XG: variants seen among roughly 807,000 people sequenced by gnomAD.
XG encodes glycoprotein Xg.
In XG, 24 loss-of-function variants were observed where a neutral mutation model predicts 25.7. The observed-to-expected ratio is 0.93, with a 90% confidence interval of 0.68 to 1.31. The LOEUF is 1.31. Ranked by LOEUF, XG falls within the 40% of genes most tolerant of loss-of-function variation. XG has a pLI of 0.00. For missense variants in XG, 181 were observed against 187.6 expected, an observed-to-expected ratio of 0.96 and a Z score of 0.21; for synonymous variants, 77 against 69.2, an observed-to-expected ratio of 1.11 and a Z score of -0.56.
At chrX:2,793,095 G>A (rs758179030) in intron 5 of XG, among the ~76,000 whole-genome samples, 1 of 109,619 alleles carries the variant, frequency 9.1e-6, no homozygotes, top group East Asian at 2.9e-4. Flanking sequence ...AGAGACAGGG[G>A]GTCTCACTAT....
In XG at chrX:2,795,681, C is replaced by T. The variant is rs1411870175; in HGVS notation, c.322+1078C>T. On this transcript the variant is annotated intron_variant, in intron 6 of 10. Coordinates refer to ENST00000644266, the MANE Select transcript of XG (RefSeq NM_001141919.2). Reference sequence around the variant, plus strand: ...TGTATTTATTTATTTTTTTTTGAGACGGAGTCTCGCTCTGTCGCCCAGGCT... The same window carrying T: ...TGTATTTATTTATTTTTTTTTGAGATGGAGTCTCGCTCTGTCGCCCAGGCT... Among the ~76,000 whole-genome samples the T allele has an allele frequency of 5.5e-4, 60 of 108,782 alleles. 1 individual carries two copies. The highest frequency in any genetic ancestry group is 2.6e-3 in the East Asian group (9 of 3,516). 94.5% of individuals were successfully genotyped at this position (108,782 alleles called of 115,157 possible).
intron 3 of XG, among the ~76,000 whole-genome samples, chrX:2,775,213 T>C (rs1207924539): frequency 2.0e-5 from 3 of 152,148 alleles, no homozygotes; most frequent in Non-Finnish European, 4.4e-5. Context: ...AGCTAAAAGA[T>C]AGAAATAACT....
At chrX:2,758,013 A>C (rs1009242270) in intron 1 of XG, among the ~76,000 whole-genome samples, 21 of 148,044 alleles carry the variant, frequency 1.4e-4, no homozygotes, top group African/African-American at 4.9e-4. Flanking sequence ...AAAAGTTATG[A>C]TGATCGCCTA....
chrX:2,778,645 T>C (rs904962622), intron 3 of XG, among the ~76,000 whole-genome samples: 87 of 152,196 alleles, frequency 5.7e-4, no homozygotes, highest in Non-Finnish European at 1.0e-3. Flanking sequence ...GACTGAATTG[T>C]GTCTTGGCAT....
At chrX:2,809,506 CAATT>C (rs2087034299) in intron 9 of XG, among the ~76,000 whole-genome samples, 1 of 111,902 alleles carries the variant, frequency 8.9e-6, no homozygotes, top group South Asian at 3.7e-4. Context: ...TTGGTAATGA[CAATT>C]GATTGTACTT....
At chrX:2,766,945 G>A (rs919637608) in intron 1 of XG, among the ~76,000 whole-genome samples, 2 of 152,086 alleles carry the variant, frequency 1.3e-5, no homozygotes, top group African/African-American at 4.8e-5. Context: ...CGGGGGGAAA[G>A]GCGTTCTTGT....
chrX:2,807,452 TTG>T (rs1184344904), intron 8 of XG, among the ~76,000 whole-genome samples: 1 of 110,910 alleles, frequency 9.0e-6, no homozygotes, highest in Non-Finnish European at 1.9e-5. Flanking sequence ...ATGAATGTGT[TTG>T]TGTGTGCATA....
chrX:2,782,260 C>T, intron 4 of XG, 132 bp downstream of exon 4: 2 of 737,533 alleles, frequency 2.7e-6, no homozygotes, highest in East Asian at 3.4e-5. Flanking sequence ...AATGTAGTTT[C>T]TTTCCTCACT....
At position 2,803,601 on chromosome X, in the gene XG, G is replaced by C. The variant is rs58676280; in HGVS notation, c.374-3100G>C. Among the ~76,000 whole-genome samples, 528 of 109,317 alleles carry C rather than the reference G, an allele frequency of 4.8e-3. 4 individuals are homozygous for C. Among genetic ancestry groups the C allele is most frequent in the Non-Finnish European group, 8.4e-3 (440 of 52,581 alleles). 94.9% of individuals were successfully genotyped at this position (109,317 alleles called of 115,157 possible). On this transcript the variant is annotated intron_variant, in intron 7 of 10. Transcript: ENST00000644266. ...GGTCAGGTTGCAGAGGGAACCATAG[G>C]GGGGTGAAGTGAGGTTTTCTTGCTG...
chrX:2,767,468 G>C (rs2050725685), intron 1 of XG, among the ~76,000 whole-genome samples: 1 of 152,106 alleles, frequency 6.6e-6, no homozygotes, highest in Non-Finnish European at 1.5e-5. Flanking sequence ...ACAAGGATTT[G>C]ATTAAAAGCC....
intron 8 of XG, among the ~76,000 whole-genome samples, chrX:2,807,748 T>A (rs1393662787): frequency 1.8e-5 from 2 of 112,401 alleles, no homozygotes; most frequent in Non-Finnish European, 1.9e-5. Flanking sequence ...TATGCGTGCT[T>A]GTCTGCCTGT....
chrX:2,774,874 T>C lies in XG; in HGVS notation c.127+135T>C, dbSNP rs981627692. The C allele has an allele frequency of 1.7e-5, 20 of 1,188,216 alleles. 1 individual carries two copies. The highest frequency in any genetic ancestry group is 2.4e-5 in the East Asian group (1 of 42,358). The allele number at this position is 1,188,216 out of a possible 1,614,324, so 73.6% of individuals were successfully genotyped here. ...CAACAACTGTACCAGATAGCAGATATTGAAAGCAAAATGTGGTGATTAGGG... is the reference window on the plus strand; with the variant it reads ...CAACAACTGTACCAGATAGCAGATACTGAAAGCAAAATGTGGTGATTAGGG... On this transcript the variant is annotated intron_variant, in intron 3 of 10. Transcript: ENST00000644266.
In XG at chrX:2,772,354, G is replaced by A. The variant is rs1422383733; in HGVS notation, c.103+1763G>A. ...GGGATGAATGAATGAACAGAATGTG[G>A]TCCCTCCAGGCAACAGAATATGATT... On this transcript the variant is annotated intron_variant, in intron 2 of 10. Transcript: ENST00000644266. Among the ~76,000 whole-genome samples, 7 of 152,286 alleles carry A rather than the reference G, an allele frequency of 4.6e-5. No homozygotes were observed. The South Asian group carries it at 8.3e-4, about 18-fold the overall frequency.
At chrX:2,808,519 T>A (rs1353838819) in intron 9 of XG, 1 of 958,840 alleles carries the variant, frequency 1.0e-6, no homozygotes, top group Non-Finnish European at 1.3e-6. Flanking sequence ...AGTACCACCA[T>A]TACTCCCCTT....
intron 5 of XG, among the ~76,000 whole-genome samples, chrX:2,791,329 C>T (rs1029431122): frequency 1.8e-5 from 2 of 111,498 alleles, no homozygotes; most frequent in African/African-American, 6.5e-5. Context: ...TTGGGAGTTC[C>T]CCTGATTGTG....
In XG at chrX:2,774,720, C is replaced by T. The variant is rs1001120027; in HGVS notation, c.108C>T (p.Pro36=). Reference sequence around the variant, plus strand: ...ATTTTCTCTCTTTGTTCACAGAACCCACCAAGAAGCCAAACTCAGGTGAGT... The same window carrying T: ...ATTTTCTCTCTTTGTTCACAGAACCTACCAAGAAGCCAAACTCAGGTGAGT... The part of the protein sequence containing the change: ...DLADALDDPE[P]TKKPNSDIYP... The change falls in exon 3 of 11, where the codon CCC becomes CCT. Residue 36 remains proline (P), a synonymous_variant. Coordinates refer to ENST00000644266, the MANE Select transcript of XG (RefSeq NM_001141919.2). 5.0e-6 allele frequency: 8 copies of T among 1,613,764 alleles called. No homozygotes were observed. The highest frequency in any genetic ancestry group is 5.9e-6 in the Non-Finnish European group (7 of 1,179,854).
chrX:2,759,393 G>C (rs1169623318), intron 1 of XG, among the ~76,000 whole-genome samples: 1 of 152,192 alleles, frequency 6.6e-6, no homozygotes, highest in Non-Finnish European at 1.5e-5. Flanking sequence ...TAGTTGTCTG[G>C]AGGTATAGTT....
chrX:2,803,653 A>C (rs1336817208), intron 7 of XG, among the ~76,000 whole-genome samples: 12 of 109,428 alleles, frequency 1.1e-4, no homozygotes, highest in South Asian at 4.1e-4. Context: ...GGATGGCGGA[A>C]CTGGTTGAGC....
intron 10 of XG, among the ~76,000 whole-genome samples, chrX:2,813,343 G>A (rs2087075101): frequency 9.0e-6 from 1 of 111,143 alleles, no homozygotes. Flanking sequence ...ATATCACCTC[G>A]CTGGCTGTAA....
Sources: allele counts gnomAD v4.1 joint callset (sites outside exome capture counted in the v4.1 genomes callset), GRCh38; gene constraint gnomAD v4.1.1; transcripts MANE v1.5; gene names NCBI Gene and HGNC (gene_info 2026-07-23, HGNC 2026-07-21).